Variants in NPR3 observed in about 807,000 individuals in gnomAD.
NPR3 encodes natriuretic peptide receptor 3.
Under a neutral mutation model 54.5 loss-of-function variants are expected in NPR3, and 34 were observed. That is an observed-to-expected ratio of 0.62 (90% CI 0.47 to 0.83). NPR3 has a LOEUF of 0.83. Among genes scored for constraint, NPR3 ranks in the 40% least tolerant of loss-of-function variants. NPR3 has a pLI of 0.00. For missense variants in NPR3, 674 were observed against 720.8 expected (o/e 0.94, Z 0.74); for synonymous variants, 289 against 297.1 (o/e 0.97, Z 0.28).
At chr5:32,740,792 AATGGGCCACAC>A (rs1227421407) in intron 3 of NPR3, among the ~76,000 whole-genome samples, 2 of 152,168 alleles carry the variant, frequency 1.3e-5, no homozygotes, top group Non-Finnish European at 2.9e-5. Flanking sequence ...TCGAGTGCTC[AATGGGCCACAC>A]ATGACTAGTG....
chr5:32,756,338 T>G (rs1198130057), intron 3 of NPR3, among the ~76,000 whole-genome samples: 1 of 152,234 alleles, frequency 6.6e-6, no homozygotes, highest in Non-Finnish European at 1.5e-5. Context: ...TTGATTTGCA[T>G]TTCTCTGATG....
chr5:32,758,758 T>C (rs559450962), intron 3 of NPR3, among the ~76,000 whole-genome samples: 2 of 152,248 alleles, frequency 1.3e-5, no homozygotes, highest in African/African-American at 4.8e-5. Flanking sequence ...TAAATTTCCC[T>C]CTACACAGTG....
chr5:32,722,153 G>T (rs1325828940), intron 1 of NPR3, among the ~76,000 whole-genome samples: 1 of 152,106 alleles, frequency 6.6e-6, no homozygotes, highest in East Asian at 1.9e-4. Context: ...GAAAAAAAAA[G>T]TACCACAGAA....
At chr5:32,700,144 T>C (rs1239998094) in intron 1 of NPR3, among the ~76,000 whole-genome samples, 7 of 152,222 alleles carry the variant, frequency 4.6e-5, no homozygotes, top group Non-Finnish European at 8.8e-5. Context: ...CCTTGACCAT[T>C]GGGAGTTTCA....
rs903502315 is a variant in NPR3 at position 32,786,432 on chromosome 5, T to A, written c.*87T>A. Reference sequence around the variant, plus strand: ...AGACATCAATGAAACAGAAGGGGCGTTCTTGAAGAATTCATAATTTTAAGC... The same window carrying A: ...AGACATCAATGAAACAGAAGGGGCGATCTTGAAGAATTCATAATTTTAAGC... On this transcript the variant is annotated 3_prime_UTR_variant, in exon 8 of 8. Transcript: ENST00000265074. The A allele has an allele frequency of 1.5e-6, 1 of 656,772 alleles. No individual in the cohort carries two copies. Among genetic ancestry groups the A allele is most frequent in the Admixed American group, 3.2e-5 (1 of 31,608 alleles). 40.7% of individuals were successfully genotyped at this position (656,772 alleles called of 1,614,324 possible).
At chr5:32,778,902 T>C (rs1286466160) in intron 4 of NPR3, among the ~76,000 whole-genome samples, 1 of 152,226 alleles carries the variant, frequency 6.6e-6, no homozygotes, top group Non-Finnish European at 1.5e-5. Flanking sequence ...ACAAATGGTT[T>C]TGGATAGCCA....
intron 4 of NPR3, among the ~76,000 whole-genome samples, chr5:32,776,795 CAATG>C (rs1415228201): frequency 6.6e-6 from 1 of 152,076 alleles, no homozygotes; most frequent in Non-Finnish European, 1.5e-5. Context: ...AGGCAACAAA[CAATG>C]AATACAGTAT....
chr5:32,694,430 T>C (rs1022831177), intron 1 of NPR3, among the ~76,000 whole-genome samples: 3 of 152,252 alleles, frequency 2.0e-5, no homozygotes, highest in African/African-American at 7.2e-5. Context: ...GAAGGGAATG[T>C]AATAAAAAGA....
chr5:32,713,368 G>A (rs1436126517), intron 1 of NPR3: 1 of 985,360 alleles, frequency 1.0e-6, no homozygotes, highest in African/African-American at 1.7e-5. Flanking sequence ...CGAGGCTGAG[G>A]ATGGTGGCTA....
intron 3 of NPR3, among the ~76,000 whole-genome samples, chr5:32,757,368 T>C (rs957052688): frequency 2.6e-5 from 4 of 152,234 alleles, no homozygotes; most frequent in African/African-American, 9.6e-5. Flanking sequence ...TTGAAGCAAT[T>C]GTGAATGGGA....
At chr5:32,784,255 C>G (rs1742491228) in intron 6 of NPR3, among the ~76,000 whole-genome samples, 1 of 152,134 alleles carries the variant, frequency 6.6e-6, no homozygotes, top group African/African-American at 2.4e-5. Context: ...GTGGTGTGAT[C>G]CTGGCTCGTT....
chr5:32,755,164 G>T (rs1310157811), intron 3 of NPR3, among the ~76,000 whole-genome samples: 4 of 152,186 alleles, frequency 2.6e-5, no homozygotes, highest in African/African-American at 9.7e-5. Flanking sequence ...CCGGCCAAGA[G>T]ATTTAATTTC....
intron 1 of NPR3, among the ~76,000 whole-genome samples, chr5:32,697,497 G>T (rs1033624285): frequency 6.6e-6 from 1 of 150,676 alleles, no homozygotes; most frequent in Non-Finnish European, 1.5e-5. Context: ...GGTTAACACT[G>T]GCTGCATAGA....
At chr5:32,740,366 C>T (rs942790901) in intron 3 of NPR3, among the ~76,000 whole-genome samples, 1 of 152,122 alleles carries the variant, frequency 6.6e-6, no homozygotes, top group Non-Finnish European at 1.5e-5. Flanking sequence ...ATAAACTGTA[C>T]CTCTTTTGTA....
At chr5:32,705,406 G>A (rs1243247505), upstream of NPR3, among the ~76,000 whole-genome samples, 1 of 152,164 alleles carries the variant, frequency 6.6e-6, no homozygotes, top group African/African-American at 2.4e-5. Context: ...AAAGAAAAGA[G>A]GTTTAATTGG....
intron 3 of NPR3, among the ~76,000 whole-genome samples, chr5:32,769,832 T>C (rs1049406224): frequency 1.6e-4 from 24 of 152,246 alleles, no homozygotes; most frequent in Non-Finnish European, 3.2e-4. Context: ...CAGCGTTCTA[T>C]GCTGACTTGT....
chr5:32,739,491 G>A (rs766088351), intron 3 of NPR3, among the ~76,000 whole-genome samples: 2 of 152,144 alleles, frequency 1.3e-5, no homozygotes, highest in African/African-American at 2.4e-5. Context: ...CTGGCTTAGC[G>A]TTCTGGCTAG....
At chr5:32,757,130 A>T (rs529836807) in intron 3 of NPR3, among the ~76,000 whole-genome samples, 1 of 152,136 alleles carries the variant, frequency 6.6e-6, no homozygotes, top group Non-Finnish European at 1.5e-5. Context: ...GTTTTTTCCA[A>T]TTCTGTGATG....
At chr5:32,729,381 T>C (rs1739342176) in intron 2 of NPR3, among the ~76,000 whole-genome samples, 1 of 152,156 alleles carries the variant, frequency 6.6e-6, no homozygotes. Flanking sequence ...TTTCCACTTG[T>C]GGTGTTATGT....
Sources: gnomAD v4.1 joint callset for allele counts (sites outside exome capture counted in the v4.1 genomes callset) on GRCh38, gnomAD v4.1.1 for gene constraint, MANE v1.5 for transcripts, NCBI Gene and HGNC (gene_info 2026-07-23, HGNC 2026-07-21) for gene names.